The following RPRD2 variants were observed in gnomAD, a reference collection of about 807,000 sequenced individuals.
RPRD2 encodes the protein regulation of nuclear pre-mRNA domain containing 2.
Under a neutral mutation model 104.4 loss-of-function variants are expected in RPRD2, and 12 were observed. The observed-to-expected ratio is 0.11, with a 90% CI of 0.07 to 0.19. RPRD2 has a LOEUF of 0.19. Among genes scored for constraint, RPRD2 ranks in the 10% least tolerant of loss-of-function variants. RPRD2 has a pLI of 1.00. For synonymous variants in RPRD2, 714 were observed against 684.9 expected (o/e 1.04, Z -0.66); for missense variants, 1,543 against 1,790.1 (o/e 0.86, Z 2.49).
Position 150,444,812 on chromosome 1 carries a change from A to G in RPRD2, c.694+435A>G, listed in dbSNP as rs1666649273. On this transcript the variant is annotated intron_variant, in intron 6 of 10. Transcript: ENST00000369068. ...GCACCTAGAACAATGCTTGGCACAT[A>G]ATAGATATTTGATGAATATTTTTGA... is the stretch of plus-strand genomic sequence containing the variant. Among the ~76,000 whole-genome samples, 5 of 152,200 alleles carry G rather than the reference A, an allele frequency of 3.3e-5. No individual in the cohort carries two copies. The South Asian group carries it at 1.0e-3, about 31-fold the overall frequency.
At position 150,473,504 on chromosome 1, in the gene RPRD2, A is replaced by G. The variant is rs587617212; in HGVS notation, c.*170A>G. 9.5e-4 allele frequency: 408 copies of G among 428,230 alleles called. No homozygotes were observed. Among genetic ancestry groups the G allele is most frequent in the Middle Eastern group, 7.5e-3 (12 of 1,604 alleles). 26.5% of individuals were successfully genotyped at this position (428,230 alleles called of 1,614,324 possible). Reference sequence around the variant, plus strand: ...ACATACGCTTACGTTTTACTATTCAATTCAATCCTCCCTCCCATTGCACTT... The same window carrying G: ...ACATACGCTTACGTTTTACTATTCAGTTCAATCCTCCCTCCCATTGCACTT... On this transcript the variant is annotated 3_prime_UTR_variant, in exon 11 of 11. Transcript: ENST00000369068.
At chr1:150,453,068 T>C (rs1351647517) in intron 7 of RPRD2, among the ~76,000 whole-genome samples, 11 of 151,196 alleles carry the variant, frequency 7.3e-5, no homozygotes, top group Non-Finnish European at 1.6e-4. Flanking sequence ...AGCCTCGTGC[T>C]GTTGCCCAGG....
intron 7 of RPRD2, among the ~76,000 whole-genome samples, chr1:150,451,232 C>T (rs1483668971): frequency 6.6e-6 from 1 of 152,156 alleles, no homozygotes; most frequent in Non-Finnish European, 1.5e-5. Context: ...AGAAGTGATT[C>T]TGTGTTCTTC....
chr1:150,459,451 A>G (rs1667770923), intron 8 of RPRD2, among the ~76,000 whole-genome samples: 1 of 152,234 alleles, frequency 6.6e-6, no homozygotes, highest in African/African-American at 2.4e-5. Flanking sequence ...TATGAAAAAT[A>G]TCATTTCCAA....
intron 10 of RPRD2, among the ~76,000 whole-genome samples, chr1:150,465,586 T>A (rs1668210863): frequency 6.6e-6 from 1 of 152,146 alleles, no homozygotes; most frequent in African/African-American, 2.4e-5. Context: ...ATCTGTCTAT[T>A]CAGTATGAGC....
chr1:150,422,496 T>C (rs1160747256), intron 2 of RPRD2, among the ~76,000 whole-genome samples: 1 of 152,062 alleles, frequency 6.6e-6, no homozygotes, highest in East Asian at 1.9e-4. Context: ...TGTCTAGAAG[T>C]TCCTGGCAGG....
At chr1:150,374,638 A>ATTGC (rs1660566287) in intron 1 of RPRD2, among the ~76,000 whole-genome samples, 1 of 152,154 alleles carries the variant, frequency 6.6e-6, no homozygotes, top group African/African-American at 2.4e-5. Context: ...TCATTGCAGA[A>ATTGC]TTGCTTGCTT....
In RPRD2 at chr1:150,470,544, A is replaced by G. The variant is rs587620521; in HGVS notation, c.1613-17A>G. 2.5e-6 allele frequency: 4 copies of G among 1,607,346 alleles called. No individual in the cohort carries two copies. In the African/African-American group the frequency reaches 5.4e-5, roughly 22 times the overall value. On this transcript the variant is annotated splice_polypyrimidine_tract_variant and intron_variant, in intron 10 of 10. Transcript: ENST00000369068. ...GGGAGTTGTTCTTTTTAACCCCTCT[A>G]ATCTTTGTTTCTACAGGCCTGTCAT...
rs1178615891 is a variant in RPRD2, at chr1:150,470,818, C to G, written c.1870C>G (p.Leu624Val). The change falls in exon 11 of 11, where the codon CTA (leucine) becomes GTA (valine). Residue 624 changes from leucine (L) to valine (V), a missense_variant. Leu to Val is a conservative substitution (Grantham distance 32). Coordinates refer to ENST00000369068, the MANE Select transcript of RPRD2 (RefSeq NM_015203.5). ...SPGLPSTTFK[L>V]PSNSLGFTAT... ...AGGGCTCCCAAGCACTACTTTTAAACTACCTTCCAACTCTTTGGGGTTTAC... is the reference window on the plus strand; with the variant it reads ...AGGGCTCCCAAGCACTACTTTTAAAGTACCTTCCAACTCTTTGGGGTTTAC... 1 of 1,614,012 alleles carries G rather than the reference C, an allele frequency of 6.2e-7. No individual in the cohort carries two copies. The highest frequency in any genetic ancestry group is 1.1e-5 in the South Asian group (1 of 91,090).
intron 2 of RPRD2, among the ~76,000 whole-genome samples, chr1:150,424,260 A>G (rs1664959618): frequency 6.6e-6 from 1 of 152,088 alleles, no homozygotes. Context: ...AACTTTGCAG[A>G]TAAGCAGATT....
intron 2 of RPRD2, among the ~76,000 whole-genome samples, chr1:150,432,197 GAAAA>G (rs1665650918): frequency 6.9e-6 from 1 of 145,936 alleles, no homozygotes; most frequent in African/African-American, 2.5e-5. Flanking sequence ...AAAAAAGAAA[GAAAA>G]GTCTGATAAA....
Position 150,476,187 on chromosome 1 carries a change from G to T in RPRD2, c.*2853G>T, listed in dbSNP as rs968118037. The T allele has an allele frequency of 2.0e-5, 3 of 152,144 alleles. No homozygotes were observed. Among genetic ancestry groups the T allele is most frequent in the African/African-American group, 7.2e-5 (3 of 41,418 alleles). The allele number at this position is 152,144 out of a possible 1,614,324, so 9.4% of individuals were successfully genotyped here. ...GGGAGGGGAAAATAAGCAGAGAATA[G>T]GACTTTTATACTTTCCAATACCAGG... On this transcript the variant is annotated 3_prime_UTR_variant, in exon 11 of 11. Coordinates refer to ENST00000369068, the MANE Select transcript of RPRD2 (RefSeq NM_015203.5).
At chr1:150,432,628 T>TAAAAA (rs34187447) in intron 2 of RPRD2, among the ~76,000 whole-genome samples, 1 of 113,450 alleles carries the variant, frequency 8.8e-6, no homozygotes, top group Non-Finnish European at 1.7e-5. Context: ...AAGAAAATGA[T>TAAAAA]AAAAAAAAAA....
chr1:150,436,735 C>T (rs587707074), intron 2 of RPRD2, among the ~76,000 whole-genome samples: 14 of 151,502 alleles, frequency 9.2e-5, no homozygotes. Flanking sequence ...GGTGAAACCC[C>T]GTCTCTACTA....
chr1:150,402,150 G>T (rs1272938231), intron 1 of RPRD2, among the ~76,000 whole-genome samples: 1 of 151,850 alleles, frequency 6.6e-6, no homozygotes, highest in African/African-American at 2.4e-5. Context: ...AGTAGAGACG[G>T]GGTTTCACCA....
At chr1:150,435,908 C>G (rs974659946) in intron 2 of RPRD2, among the ~76,000 whole-genome samples, 18 of 152,248 alleles carry the variant, frequency 1.2e-4, no homozygotes, top group Admixed American at 1.1e-3. Flanking sequence ...AAAGCACAGG[C>G]TGACTCTCTT....
At chr1:150,407,910 GTT>G (rs782334532) in intron 1 of RPRD2, among the ~76,000 whole-genome samples, 1 of 151,748 alleles carries the variant, frequency 6.6e-6, no homozygotes, top group Non-Finnish European at 1.5e-5. Flanking sequence ...TTTTATATGG[GTT>G]TTTTTGTGTG....
At chr1:150,465,774 T>C (rs1553899781) in intron 10 of RPRD2, among the ~76,000 whole-genome samples, 1 of 152,034 alleles carries the variant, frequency 6.6e-6, no homozygotes, top group African/African-American at 2.4e-5. Context: ...TATCAAAAAA[T>C]ATGGCCAGGT....
chr1:150,392,103 C>T (rs116824513), intron 1 of RPRD2, among the ~76,000 whole-genome samples: 2,440 of 150,788 alleles, frequency 0.016, 54 homozygotes, highest in African/African-American at 0.056. Flanking sequence ...GGGAGAATCG[C>T]TTGAACCGGG....
Sources: gnomAD v4.1 joint callset for allele counts (sites outside exome capture counted in the v4.1 genomes callset) on GRCh38, gnomAD v4.1.1 for gene constraint, MANE v1.5 for transcripts, NCBI Gene and HGNC (gene_info 2026-07-23, HGNC 2026-07-21) for gene names.